The following VILL variants were observed in gnomAD, a reference collection of about 807,000 sequenced individuals.
VILL encodes villin like.
A neutral mutation model predicts 106.3 loss-of-function variants in VILL; 102 were observed. The observed-to-expected ratio is 0.96, with a 90% CI of 0.82 to 1.13. The LOEUF is 1.13. VILL is among the 50% of genes most tolerant of loss of function. VILL has a pLI of 0.00. For synonymous variants in VILL, 431 were observed against 440.3 expected, an observed-to-expected ratio of 0.98 and a Z score of 0.27; for missense variants, 1,076 against 1,116.6, an observed-to-expected ratio of 0.96 and a Z score of 0.52.
In VILL at chr3:37,994,389, G is replaced by A. The variant is rs759404802; in HGVS notation, c.264G>A (p.Gly88=). The A allele has an allele frequency of 3.7e-6, 6 of 1,612,442 alleles. No individual in the cohort carries two copies. The African/African-American group carries it at 8.0e-5, about 22-fold the overall frequency. ...AGCAGCGCCTACAGGACGAGCTGGG[G>A]GGCCAGACCGTGCTGCACCGCGAGG... ...AFQQRLQDEL[G]GQTVLHREAQ... is the part of the protein sequence containing the mutation. The change falls in exon 4 of 20, where the codon GGG becomes GGA. Residue 88 remains glycine (G), a synonymous_variant. Transcript: ENST00000383759.
chr3:37,988,014 T>G (rs549975040), upstream of VILL: 105 of 152,162 alleles, frequency 6.9e-4, 1 homozygote, highest in African/African-American at 2.3e-3. Flanking sequence ...AGCACCACGA[T>G]GAGGAAAGTG....
Position 38,004,403 on chromosome 3 carries a change from AG to A in VILL, c.1950+6del, listed in dbSNP as rs1328102165. 6.2e-7 allele frequency: 1 copy of A among 1,603,040 alleles called. No individual in the cohort carries two copies. Among genetic ancestry groups the A allele is most frequent in the Non-Finnish European group, 8.5e-7 (1 of 1,170,726 alleles). ...GTTACTGGACACCTGGCAGGAGGTA[AG>A]GTGGCCATCCCTGCCTGGTGGGGCT... On this transcript the variant is annotated splice_donor_5th_base_variant and intron_variant, in intron 16 of 19. Transcript: ENST00000383759.
intron 13 of VILL, 41 bp from the exon 14 acceptor site, chr3:38,002,355 C>A: frequency 6.4e-7 from 1 of 1,552,374 alleles, no homozygotes; most frequent in South Asian, 1.2e-5. Context: ...GAAGGCGCCC[C>A]TGGGAGCCCT....
rs201408304 is a variant in VILL at position 37,999,294 on chromosome 3, G to A, written c.1082-45G>A. The A allele has an allele frequency of 1.1e-5, 15 of 1,418,396 alleles. No homozygotes were observed. The East Asian group carries it at 1.8e-4, about 17-fold the overall frequency. 87.9% of individuals were successfully genotyped at this position (1,418,396 alleles called of 1,614,324 possible). On this transcript the variant is annotated intron_variant, in intron 10 of 19. Transcript: ENST00000383759. Reference sequence around the variant, plus strand: ...AGTGGGCGGGGCGGAGATGGTGTTGGGGGGGGGCAGAGGGCGCCACTGACG... The same window carrying A: ...AGTGGGCGGGGCGGAGATGGTGTTGAGGGGGGGCAGAGGGCGCCACTGACG...
At position 37,998,934 on chromosome 3, in the gene VILL, A is replaced by T; in HGVS notation, c.965A>T (p.Tyr322Phe). The change falls in exon 10 of 20, where the codon TAC becomes TTC. Residue 322 changes from tyrosine (Y) to phenylalanine (F), a missense_variant. Physicochemically the swap from Tyr to Phe is conservative, Grantham distance 22 (BLOSUM62 3). Coordinates refer to ENST00000383759, the MANE Select transcript of VILL (RefSeq NM_015873.4). The surrounding 1 kb of genome is among the most constrained non-coding windows in gnomAD (Gnocchi z 4.1). Reference protein sequence around the residue: ...RAVGFIQAKGYPTYTNVEVVN... With the variant: ...RAVGFIQAKGFPTYTNVEVVN... ...CAGGGCTTCATCCAGGCCAAGGGCT[A>T]CCCGACCTACACCAACGTGGAGGTG... 1.2e-6 allele frequency: 2 copies of T among 1,602,662 alleles called. No homozygotes were observed. The highest frequency in any genetic ancestry group is 2.2e-5 in the South Asian group (2 of 90,090).
chr3:38,006,463 G>A lies in VILL; in HGVS notation c.2220G>A (p.Leu740=). 3 of 1,602,052 alleles carry A rather than the reference G, an allele frequency of 1.9e-6. 1 individual carries two copies. The Admixed American group carries it at 5.1e-5, about 27-fold the overall frequency. The change falls in exon 19 of 20, where the codon TTG becomes TTA. Residue 740 remains leucine (L), a synonymous_variant. Coordinates refer to ENST00000383759, the MANE Select transcript of VILL (RefSeq NM_015873.4). ...TCTCTGGACAGGAAGTCAACAACTTGCGGCTATCCAGATGGCCGGGCAATG... is the reference window on the plus strand; with the variant it reads ...TCTCTGGACAGGAAGTCAACAACTTACGGCTATCCAGATGGCCGGGCAATG... ...ISEITAEVNN[L]RLSRWPGNGR...
chr3:37,996,269 G>A (rs1699699488), intron 5 of VILL, among the ~76,000 whole-genome samples: 1 of 152,122 alleles, frequency 6.6e-6, no homozygotes, highest in African/African-American at 2.4e-5. Flanking sequence ...CACAGTGAGA[G>A]GTGGTGCATA....
chr3:37,993,792 C>A, intron 2 of VILL, 60 bp downstream of exon 2: 1 of 1,606,416 alleles, frequency 6.2e-7, no homozygotes, highest in Non-Finnish European at 8.5e-7. Context: ...GTTTTCCACA[C>A]TAGGCTTCTC....
Position 37,994,271 on chromosome 3 carries a change from G to A in VILL, c.146G>A (p.Ser49Asn). The change falls in exon 4 of 20, where the codon AGC (serine) becomes AAC (asparagine). Residue 49 changes from serine to asparagine, a missense_variant. By Grantham distance (46) the Ser-to-Asn change is conservative. Coordinates refer to ENST00000383759, the MANE Select transcript of VILL (RefSeq NM_015873.4). ...HCYVILHVPQ[S>N]PKATQGASSD... ...ACACCCGGACCCTAGGTCCCCCAGAGCCCGAAGGCCACGCAGGGGGCGTCC... is the reference window on the plus strand; with the variant it reads ...ACACCCGGACCCTAGGTCCCCCAGAACCCGAAGGCCACGCAGGGGGCGTCC... 6.2e-7 allele frequency: 1 copy of A among 1,608,522 alleles called. No individual in the cohort carries two copies. Among genetic ancestry groups the A allele is most frequent in the Non-Finnish European group, 8.5e-7 (1 of 1,179,194 alleles).
chr3:37,998,841 T>G lies in VILL; in HGVS notation c.943-71T>G, dbSNP rs1050984486. 17 of 1,528,730 alleles carry G rather than the reference T, an allele frequency of 1.1e-5. No individual in the cohort carries two copies. The South Asian group carries it at 1.8e-4, about 16-fold the overall frequency. 94.7% of individuals were successfully genotyped at this position (1,528,730 alleles called of 1,614,324 possible). ...TTGGAGCTCGGCTGTCCCAGAGCGG[T>G]AGGTCCCCAGGAGCGGCAGTGGGGC... On this transcript the variant is annotated intron_variant, in intron 9 of 19. Coordinates refer to ENST00000383759, the MANE Select transcript of VILL (RefSeq NM_015873.4). The surrounding 1 kb of genome is among the most constrained non-coding windows in gnomAD (Gnocchi z 4.1).
intron 14 of VILL, 146 bp from the exon 15 acceptor site, chr3:38,003,022 T>A: frequency 9.8e-7 from 1 of 1,021,052 alleles, no homozygotes; most frequent in South Asian, 1.7e-5. Flanking sequence ...GTGAGGAAGA[T>A]GCCTTGTTCA....
At chr3:38,005,100 GTGTC>G (rs1322415472) in intron 16 of VILL, among the ~76,000 whole-genome samples, 1 of 152,140 alleles carries the variant, frequency 6.6e-6, no homozygotes, top group Non-Finnish European at 1.5e-5. Flanking sequence ...GGATGACTGT[GTGTC>G]TGTGTAAGCT....
Position 37,997,261 on chromosome 3 carries a change from GCCAC to G in VILL, c.561+78_561+81del, listed in dbSNP as rs954562814. ...TGATCCTCCAGTTGACCATCCTCCG[GCCAC>G]CCAAAGAGTTGGGCTTGGCTCTGCT... On this transcript the variant is annotated intron_variant, in intron 6 of 19. Coordinates refer to ENST00000383759, the MANE Select transcript of VILL (RefSeq NM_015873.4). This position sits in a 1 kb window ranked among gnomAD's most constrained non-coding sequence, Gnocchi z 4.7. 2.6e-5 allele frequency: 39 copies of G among 1,490,738 alleles called. No individual in the cohort carries two copies. In the African/African-American group the frequency reaches 4.8e-4, roughly 18 times the overall value. 92.3% of individuals were successfully genotyped at this position (1,490,738 alleles called of 1,614,324 possible).
At position 38,006,627 on chromosome 3, in the gene VILL, G is replaced by A. The variant is rs535792767; in HGVS notation, c.2384G>A (p.Gly795Asp). ...VSSTSATINGGLRREQLMHQA... is the reference protein window; with the variant it reads ...VSSTSATINGDLRREQLMHQA... The stretch of plus-strand genomic sequence containing the variant: ...AGCACCAGCGCCACGATCAACGGGG[G>A]CCTGCGCCGGGAACAACTGATGCAC... The change falls in exon 19 of 20, where the codon GGC becomes GAC. Residue 795 changes from glycine to aspartate, a missense_variant. By Grantham distance (94) the Gly-to-Asp change is moderately conservative. Transcript: ENST00000383759. The A allele has an allele frequency of 8.1e-6, 13 of 1,613,888 alleles. No individual in the cohort carries two copies. In the African/African-American group the frequency reaches 1.7e-4, roughly 21 times the overall value.
At position 38,006,437 on chromosome 3, in the gene VILL, C is replaced by T; in HGVS notation, c.2206-12C>T. On this transcript the variant is annotated splice_polypyrimidine_tract_variant and intron_variant, in intron 18 of 19. Transcript: ENST00000383759. ...CCCCATCTTCCCCAGCCTGAGGCTCCTCTCTGGACAGGAAGTCAACAACTT... is the reference window on the plus strand; with the variant it reads ...CCCCATCTTCCCCAGCCTGAGGCTCTTCTCTGGACAGGAAGTCAACAACTT... 6.3e-6 allele frequency: 10 copies of T among 1,588,124 alleles called. No homozygotes were observed. Among genetic ancestry groups the T allele is most frequent in the Non-Finnish European group, 8.6e-6 (10 of 1,163,128 alleles).
chr3:38,004,453 T>G, intron 16 of VILL, 54 bp downstream of exon 16: 2 of 1,577,172 alleles, frequency 1.3e-6, no homozygotes, highest in East Asian at 2.3e-5. Context: ...TGTTTCTGTT[T>G]GTGTAACTGG....
chr3:38,006,803 A>G, intron 19 of VILL, 103 bp downstream of exon 19: 1 of 1,534,258 alleles, frequency 6.5e-7, no homozygotes, highest in African/African-American at 1.4e-5. Flanking sequence ...CTGCCCCGGG[A>G]GATGTGTCTT....
At position 38,005,906 on chromosome 3, in the gene VILL, G is replaced by A. The variant is rs750323592; in HGVS notation, c.2065G>A (p.Val689Ile). The A allele has an allele frequency of 1.9e-6, 3 of 1,614,046 alleles. No individual in the cohort carries two copies. Among genetic ancestry groups the A allele is most frequent in the East Asian group, 4.5e-5 (2 of 44,890 alleles). Reference protein sequence around the residue: ...GRSPATPIVLVKQGHEPPTFI... With the variant: ...GRSPATPIVLIKQGHEPPTFI... ...GAGCCCGGCCACACCCATCGTGCTGGTCAAGCAGGGCCATGAGCCTCCCAC... is the reference window on the plus strand; with the variant it reads ...GAGCCCGGCCACACCCATCGTGCTGATCAAGCAGGGCCATGAGCCTCCCAC... Residue 689 changes from valine (V) to isoleucine (I), a missense_variant, in exon 17 of 20, where the codon GTC becomes ATC. Physicochemically the swap from Val to Ile is conservative, Grantham distance 29. Transcript: ENST00000383759.
In VILL at chr3:38,002,464, T is replaced by A; in HGVS notation, c.1548T>A (p.Thr516=). ...STTRLFQVQG[T]DSHNTRTMEV... ...CAAGGCTTTTCCAAGTGCAAGGCACTGACAGCCACAACACCAGGACCATGG... is the reference window on the plus strand; with the variant it reads ...CAAGGCTTTTCCAAGTGCAAGGCACAGACAGCCACAACACCAGGACCATGG... The change falls in exon 14 of 20, where the codon ACT becomes ACA. Residue 516 remains threonine, a synonymous_variant. Transcript: ENST00000383759. The A allele has an allele frequency of 6.2e-7, 1 of 1,614,152 alleles. No individual in the cohort carries two copies. Among genetic ancestry groups the A allele is most frequent in the East Asian group, 2.2e-5 (1 of 44,872 alleles).
Sources: gnomAD v4.1 joint callset for allele counts (sites outside exome capture counted in the v4.1 genomes callset) on GRCh38, gnomAD v4.1.1 for gene constraint, Gnocchi (gnomAD v3.1) non-coding constraint, MANE v1.5 for transcripts, NCBI Gene and HGNC (gene_info 2026-07-23, HGNC 2026-07-21) for gene names.